Variants in CAST observed in about 807,000 individuals in gnomAD.
CAST encodes calpastatin, also known as MIR583 host.
Under a neutral mutation model 119.6 loss-of-function variants are expected in CAST, and 76 were observed. The observed-to-expected ratio is 0.64, with a 90% CI of 0.53 to 0.77. CAST has a LOEUF of 0.77. Ranked by LOEUF, CAST falls within the 30% of genes least tolerant of loss-of-function variation. The pLI, the probability that CAST is intolerant of heterozygous loss-of-function variation, is 0.00. For synonymous variants in CAST, 319 were observed against 331.6 expected, an observed-to-expected ratio of 0.96 and a Z score of 0.41; for missense variants, 953 against 946.5, an observed-to-expected ratio of 1.01 and a Z score of -0.09.
In CAST at chr5:96,692,646, T is replaced by G. The variant is rs76679895; in HGVS notation, c.139-3190T>G. 4.0e-3 allele frequency among the ~76,000 whole-genome samples: 606 copies of G among 152,224 alleles called. 3 individuals carry two copies. The highest frequency in any genetic ancestry group is 0.014 in the African/African-American group (584 of 41,528). ...CCTCATCCCATATATACACGATTGG[T>G]TTCCACACAGCAGTCAGGTGTTAGT... On this transcript the variant is annotated intron_variant, in intron 2 of 31. Coordinates refer to ENST00000675179, the MANE Select transcript of CAST (RefSeq NM_001750.7).
At chr5:96,529,459 C>T (rs1012512800), upstream of CAST, among the ~76,000 whole-genome samples, 1 of 151,470 alleles carries the variant, frequency 6.6e-6, no homozygotes, top group Non-Finnish European at 1.5e-5. Context: ...TTAATTGAGC[C>T]GTGTTTAGGC....
Position 96,558,063 on chromosome 5 carries a change from G to A in CAST, c.60+28183G>A, listed in dbSNP as rs565744694. 9.6e-3 allele frequency among the ~76,000 whole-genome samples: 1,461 copies of A among 152,148 alleles called. 26 individuals carry two copies. The highest frequency in any genetic ancestry group is 0.032 in the African/African-American group (1,348 of 41,494). ...AGGATTCAGAAACTCACTCAAAACC[G>A]CTCAACTACATGGAAACTGAACAAC... On this transcript the variant is annotated intron_variant, in intron 1 of 11. Coordinates refer to the CAST transcript ENST00000505143.
chr5:96,043,000 A>G, the CAST span, among the ~76,000 whole-genome samples: 1 of 152,164 alleles, frequency 6.6e-6, no homozygotes, highest in Non-Finnish European at 1.5e-5. Flanking sequence ...AATGCTGAGT[A>G]TATTGTATCA....
At chr5:96,751,058 A>G (rs1019440839) in intron 20 of CAST, among the ~76,000 whole-genome samples, 19 of 152,094 alleles carry the variant, frequency 1.2e-4, no homozygotes, top group African/African-American at 4.3e-4. Context: ...TAAAATCATT[A>G]TGATTCCTCC....
chr5:96,098,552 T>G, the CAST span, among the ~76,000 whole-genome samples: 3 of 152,210 alleles, frequency 2.0e-5, no homozygotes, highest in Non-Finnish European at 4.4e-5. Context: ...GCTAGTCAGT[T>G]TTCCCAGCGC....
the CAST span, among the ~76,000 whole-genome samples, chr5:96,082,570 T>G: frequency 6.6e-6 from 1 of 152,240 alleles, no homozygotes; most frequent in South Asian, 2.1e-4. Context: ...CTTATTTTAG[T>G]AACTTTATAT....
chr5:96,717,631 A>C (rs1757417786), intron 3 of CAST, among the ~76,000 whole-genome samples: 1 of 152,216 alleles, frequency 6.6e-6, no homozygotes, highest in Non-Finnish European at 1.5e-5. Context: ...ATGTGCATTA[A>C]ATGGCAGCTG....
At chr5:96,660,042 C>T (rs994248669), upstream of CAST, among the ~76,000 whole-genome samples, 4 of 152,164 alleles carry the variant, frequency 2.6e-5, no homozygotes, top group African/African-American at 7.2e-5. Context: ...AGGGTTATTA[C>T]CTCTTATAGA....
At chr5:96,283,626 G>A in the CAST span, among the ~76,000 whole-genome samples, 1 of 152,194 alleles carries the variant, frequency 6.6e-6, no homozygotes, top group Non-Finnish European at 1.5e-5. Flanking sequence ...GTTCAACACA[G>A]CATCCACTGT....
chr5:96,200,567 CT>C, the CAST span, among the ~76,000 whole-genome samples: 2 of 152,094 alleles, frequency 1.3e-5, no homozygotes, highest in Non-Finnish European at 2.9e-5. Context: ...GTAATGGGAG[CT>C]CTAAGGTACT....
At chr5:96,558,890 C>G (rs555295380) in intron 1 of CAST, among the ~76,000 whole-genome samples, 63 of 152,056 alleles carry the variant, frequency 4.1e-4, no homozygotes, top group African/African-American at 1.4e-3. Flanking sequence ...CAAAGCCTGG[C>G]AGAGACACAA....
At chr5:96,532,610 G>A (rs760911448) in intron 1 of CAST, among the ~76,000 whole-genome samples, 3 of 152,156 alleles carry the variant, frequency 2.0e-5, no homozygotes, top group Non-Finnish European at 2.9e-5. Flanking sequence ...AGCACTTTGG[G>A]AGGCCATGGC....
the CAST span, among the ~76,000 whole-genome samples, chr5:96,090,690 G>A: frequency 6.6e-6 from 1 of 151,986 alleles, no homozygotes; most frequent in East Asian, 1.9e-4. Flanking sequence ...GAGAAGAAGA[G>A]GGTATTTTTA....
At chr5:96,563,390 T>A (rs1328763204) in intron 1 of CAST, among the ~76,000 whole-genome samples, 2 of 152,216 alleles carry the variant, frequency 1.3e-5, no homozygotes, top group African/African-American at 4.8e-5. Flanking sequence ...CCCCTACATA[T>A]GTACAAAATC....
chr5:96,519,812 G>A, the CAST span, among the ~76,000 whole-genome samples: 1 of 152,058 alleles, frequency 6.6e-6, no homozygotes, highest in African/African-American at 2.4e-5. Context: ...TCGCCATGTT[G>A]GCCAGCCTGG....
chr5:96,440,310 C>T, the CAST span, among the ~76,000 whole-genome samples: 1 of 152,008 alleles, frequency 6.6e-6, no homozygotes, highest in Non-Finnish European at 1.5e-5. Context: ...CTGCATGTCT[C>T]CTGTGAGCAT....
At chr5:96,707,716 T>C (rs10053056) in intron 3 of CAST, among the ~76,000 whole-genome samples, 78,095 of 151,928 alleles carry the variant, frequency 0.51, 20,353 homozygotes, top group Admixed American at 0.58. Context: ...TCATGGACCA[T>C]TGATATTTCA....
chr5:96,241,867 G>C, the CAST span, among the ~76,000 whole-genome samples: 1,401 of 147,896 alleles, frequency 9.5e-3, 23 homozygotes, highest in African/African-American at 0.033. Context: ...GTCTTCTTTT[G>C]AGAAGTGTCT....
chr5:96,461,605 C>G, the CAST span, among the ~76,000 whole-genome samples: 2 of 151,962 alleles, frequency 1.3e-5, no homozygotes, highest in African/African-American at 4.8e-5. Context: ...TCGAGAATGG[C>G]CTACCGAGGT....
Sources: gnomAD v4.1 joint callset for allele counts (sites outside exome capture counted in the v4.1 genomes callset) on GRCh38, gnomAD v4.1.1 for gene constraint, MANE v1.5 for transcripts, NCBI Gene and HGNC (gene_info 2026-07-23, HGNC 2026-07-21) for gene names.